Variants in ZNF18 observed in about 807,000 individuals in gnomAD.
ZNF18 encodes heart development-specific gene 1 protein.
A neutral mutation model predicts 58.1 loss-of-function variants in ZNF18; 42 were observed. The ratio of observed to expected loss-of-function variants is 0.72; its 90% CI spans 0.56 to 0.93. The LOEUF is 0.93. ZNF18 is among the 40% of genes least tolerant of loss of function. The pLI is 0.00. For synonymous variants in ZNF18, 231 were observed against 239.8 expected (o/e 0.96, Z 0.34); for missense variants, 540 against 644.2 (o/e 0.84, Z 1.75).
chr17:11,984,063 A>C, intron 5 of ZNF18, 50 bp downstream of exon 5: 1 of 1,526,294 alleles, frequency 6.6e-7, no homozygotes, highest in Non-Finnish European at 8.9e-7. Context: ...AATGCCTCAC[A>C]GTTTTCCAGT....
At chr17:12,011,100 A>G in the ZNF18 span, 2 of 692,574 alleles carry the variant, frequency 2.9e-6, no homozygotes, top group East Asian at 2.6e-5. Context: ...CATTCCCTTG[A>G]TGTCTATAAT....
chr17:11,991,670 AAG>A (rs1310870623), intron 2 of ZNF18, among the ~76,000 whole-genome samples: 2 of 152,140 alleles, frequency 1.3e-5, no homozygotes, highest in Non-Finnish European at 2.9e-5. Context: ...CAGGTGAAAG[AAG>A]AGTCTTTGTT....
the ZNF18 span, among the ~76,000 whole-genome samples, chr17:12,010,574 C>A: frequency 6.6e-6 from 1 of 152,092 alleles, no homozygotes; most frequent in Non-Finnish European, 1.5e-5. Flanking sequence ...CGTCACCACG[C>A]CCAGCTAATT....
At chr17:11,991,235 C>T in intron 2 of ZNF18, 72 bp from the exon 3 acceptor site, 1 of 1,295,052 alleles carries the variant, frequency 7.7e-7, no homozygotes, top group South Asian at 1.5e-5. Context: ...ACAAAGCTTA[C>T]TCTCTACAAC....
intron 5 of ZNF18, 82 bp from the exon 6 acceptor site, chr17:11,983,489 T>G: frequency 9.5e-7 from 1 of 1,051,104 alleles, no homozygotes; most frequent in South Asian, 1.3e-5. Flanking sequence ...AGGAGCACCC[T>G]ACGCATGAGG....
chr17:12,003,602 C>T, the ZNF18 span, among the ~76,000 whole-genome samples: 1 of 152,156 alleles, frequency 6.6e-6, no homozygotes, highest in South Asian at 2.1e-4. Context: ...GCATCTCTCA[C>T]CAAATGAAAT....
At chr17:11,998,330 G>A (rs978789387), upstream of ZNF18, 68 of 152,276 alleles carry the variant, frequency 4.5e-4, no homozygotes, top group African/African-American at 1.5e-3. Context: ...TTGCATTAAT[G>A]GAAGTATCAT....
chr17:11,997,730 C>T (rs1665875689), upstream of ZNF18, among the ~76,000 whole-genome samples: 1 of 152,242 alleles, frequency 6.6e-6, no homozygotes, highest in Admixed American at 6.5e-5. Flanking sequence ...TTATTGCGCA[C>T]CTATTCTGTG....
rs772525995 is a variant in ZNF18, at chr17:11,978,182, G to C, written c.1425C>G (p.Asp475Glu). 1.3e-5 allele frequency: 21 copies of C among 1,613,954 alleles called. No homozygotes were observed. The South Asian group carries it at 2.2e-4, about 17-fold the overall frequency. The change falls in exon 7 of 7, where the codon GAC (aspartate) becomes GAG (glutamate). Residue 475 changes from aspartate (D) to glutamate (E), a missense_variant. Coordinates refer to ENST00000580306, the MANE Select transcript of ZNF18 (RefSeq NM_001303281.2). ...KCDYCGKGFS[D>E]FSGLRHHEKI... ...TCTCGTGGTGGCGCAATCCTGAGAA[G>C]TCACTAAAGCCTTTCCCACAGTAAT...
At chr17:12,009,999 C>T in the ZNF18 span, among the ~76,000 whole-genome samples, 2 of 152,102 alleles carry the variant, frequency 1.3e-5, no homozygotes, top group African/African-American at 4.8e-5. Flanking sequence ...TCACCTTTTC[C>T]TTGACTGCAC....
At chr17:12,000,763 A>G (rs1968642414), upstream of ZNF18, among the ~76,000 whole-genome samples, 1 of 152,206 alleles carries the variant, frequency 6.6e-6, no homozygotes, top group Non-Finnish European at 1.5e-5. Context: ...ATCAAATGCC[A>G]TGATCAAATG....
the ZNF18 span, chr17:12,011,152 C>G: frequency 3.3e-6 from 2 of 599,702 alleles, no homozygotes; most frequent in Admixed American, 2.2e-5. Context: ...GCCAAAGGAA[C>G]AACTCCATGT....
chr17:12,009,688 A>G, the ZNF18 span, among the ~76,000 whole-genome samples: 38,349 of 151,774 alleles, frequency 0.25, 5,378 homozygotes, highest in Middle Eastern at 0.36. Context: ...CCTGACCTTA[A>G]GTGATCCACC....
intron 2 of ZNF18, 145 bp from the exon 3 acceptor site, chr17:11,991,308 G>T: frequency 1.3e-6 from 1 of 797,606 alleles, no homozygotes; most frequent in Non-Finnish European, 1.9e-6. Context: ...TTCTAGTCCA[G>T]CAGGAACCAG....
the ZNF18 span, among the ~76,000 whole-genome samples, chr17:12,018,987 C>A: frequency 6.6e-6 from 1 of 151,460 alleles, no homozygotes. Context: ...TGGAGTCTTG[C>A]TCTGTCACCC....
chr17:11,981,530 CTTTT>C (rs34496641), intron 6 of ZNF18, among the ~76,000 whole-genome samples: 183 of 93,462 alleles, frequency 2.0e-3, no homozygotes, highest in East Asian at 0.012. Context: ...CCTATAATAG[CTTTT>C]TTTTTTTTTT....
intron 1 of ZNF18, among the ~76,000 whole-genome samples, chr17:11,995,849 T>C (rs1045884443): frequency 3.3e-5 from 5 of 152,320 alleles, no homozygotes; most frequent in African/African-American, 7.2e-5. Flanking sequence ...AATTTTCAAA[T>C]GACTGATATC....
At chr17:12,020,580 C>T in the ZNF18 span, among the ~76,000 whole-genome samples, 2 of 152,216 alleles carry the variant, frequency 1.3e-5, no homozygotes, top group Admixed American at 1.3e-4. Flanking sequence ...AGCTGCGTAC[C>T]TTCTTTCCGC....
At chr17:11,990,365 G>T (rs1212890364) in intron 4 of ZNF18, 97 bp downstream of exon 4, 3 of 1,043,296 alleles carry the variant, frequency 2.9e-6, no homozygotes, top group African/African-American at 3.2e-5. Flanking sequence ...CAGATCAGAG[G>T]TTTCCTCAGG....
Sources: allele counts gnomAD v4.1 joint callset (sites outside exome capture counted in the v4.1 genomes callset), GRCh38; gene constraint gnomAD v4.1.1; transcripts MANE v1.5; gene names NCBI Gene and HGNC (gene_info 2026-07-23, HGNC 2026-07-21).